ADK: variants seen among roughly 807,000 people sequenced by gnomAD.
ADK encodes N6,N6-dimethyladenosine kinase.
A neutral mutation model predicts 44.7 loss-of-function variants in ADK; 24 were observed. The ratio of observed to expected loss-of-function variants is 0.54; its 90% CI spans 0.39 to 0.76. The LOEUF is 0.76. Ranked by LOEUF, ADK falls within the 30% of genes least tolerant of loss-of-function variation. The pLI, the probability that ADK is intolerant of heterozygous loss-of-function variation, is 0.00. For missense variants in ADK, 321 were observed against 425.1 expected, an observed-to-expected ratio of 0.76 and a Z score of 2.15; for synonymous variants, 128 against 142.6, an observed-to-expected ratio of 0.90 and a Z score of 0.73.
chr10:74,694,399 A>G (rs1210479673), intron 10 of ADK, among the ~76,000 whole-genome samples: 1 of 151,950 alleles, frequency 6.6e-6, no homozygotes, highest in African/African-American at 2.4e-5. Context: ...CCAAAAAAAA[A>G]AGAAAAAGAA....
At chr10:74,547,416 T>A (rs1849860217) in intron 7 of ADK, among the ~76,000 whole-genome samples, 1 of 146,534 alleles carries the variant, frequency 6.8e-6, no homozygotes, top group South Asian at 2.1e-4. Flanking sequence ...AGATTTTACA[T>A]CATTTTTCCC....
chr10:74,266,102 A>G (rs902320417), intron 3 of ADK, among the ~76,000 whole-genome samples: 2 of 152,224 alleles, frequency 1.3e-5, no homozygotes, highest in South Asian at 4.1e-4. Context: ...TGGAAGGATT[A>G]CTAAAGAAAA....
At chr10:74,235,883 A>G (rs929725728) in intron 3 of ADK, among the ~76,000 whole-genome samples, 1 of 152,160 alleles carries the variant, frequency 6.6e-6, no homozygotes, top group African/African-American at 2.4e-5. Flanking sequence ...TATCTCTTAG[A>G]GGGTTGTTAT....
chr10:74,248,269 G>T (rs1260231934), intron 3 of ADK, among the ~76,000 whole-genome samples: 1 of 152,082 alleles, frequency 6.6e-6, no homozygotes, highest in Non-Finnish European at 1.5e-5. Context: ...TTTCTTATGA[G>T]GCATTAAAGC....
intron 6 of ADK, among the ~76,000 whole-genome samples, chr10:74,504,655 A>G (rs1413530605): frequency 3.9e-5 from 6 of 152,282 alleles, no homozygotes; most frequent in Non-Finnish European, 2.9e-5. Flanking sequence ...TTTAATCCCC[A>G]TAATCTCCAC....
intron 1 of ADK, among the ~76,000 whole-genome samples, chr10:74,168,140 G>A (rs1161080209): frequency 6.6e-6 from 1 of 152,180 alleles, no homozygotes; most frequent in Non-Finnish European, 1.5e-5. Context: ...TAGAATGTAA[G>A]TTCTAAAAGG....
chr10:74,621,892 A>G (rs1853007160), intron 9 of ADK, among the ~76,000 whole-genome samples: 1 of 152,158 alleles, frequency 6.6e-6, no homozygotes, highest in Non-Finnish European at 1.5e-5. Flanking sequence ...CTTCTATACC[A>G]TGGCCCTCCT....
chr10:74,542,806 CT>C (rs1325728571), intron 7 of ADK, among the ~76,000 whole-genome samples: 1 of 152,014 alleles, frequency 6.6e-6, no homozygotes, highest in Non-Finnish European at 1.5e-5. Flanking sequence ...TTGAACTTAG[CT>C]TTTTTTCAAT....
At chr10:74,473,562 A>G (rs1846691680) in intron 6 of ADK, among the ~76,000 whole-genome samples, 1 of 152,144 alleles carries the variant, frequency 6.6e-6, no homozygotes, top group African/African-American at 2.4e-5. Context: ...GAGGTCAGAT[A>G]GTTTGTAGGA....
Position 74,238,798 on chromosome 10 carries a change from G to A in ADK, c.194+14207G>A, listed in dbSNP as rs1484752273. ...AAATTACTGTCTCTAAACCAAAGAA[G>A]ATAGAAAAATACATTCAGGAGAATA... On this transcript the variant is annotated intron_variant, in intron 3 of 10. Coordinates refer to ENST00000539909, the MANE Select transcript of ADK (RefSeq NM_006721.4). 2.1e-5 allele frequency among the ~76,000 whole-genome samples: 3 copies of A among 142,656 alleles called. No individual in the cohort carries two copies. In the Admixed American group the frequency reaches 2.1e-4, roughly 10 times the overall value. The allele number at this position is 142,656 out of a possible 152,430, so 93.6% of individuals were successfully genotyped here.
intron 9 of ADK, among the ~76,000 whole-genome samples, chr10:74,618,383 C>T (rs1291425612): frequency 6.6e-6 from 1 of 152,092 alleles, no homozygotes; most frequent in African/African-American, 2.4e-5. Flanking sequence ...CTCCACCTTC[C>T]AGTTTCAAGT....
At chr10:74,693,163 AAT>A (rs1363816419) in intron 10 of ADK, among the ~76,000 whole-genome samples, 9 of 152,224 alleles carry the variant, frequency 5.9e-5, no homozygotes, top group African/African-American at 2.2e-4. Context: ...ATTTAATGAT[AAT>A]ATGTCAATAA....
intron 6 of ADK, among the ~76,000 whole-genome samples, chr10:74,487,015 G>A (rs1847291402): frequency 6.6e-6 from 1 of 152,076 alleles, no homozygotes; most frequent in African/African-American, 2.4e-5. Flanking sequence ...CTTATTCAAA[G>A]TGGCTTTCTA....
chr10:74,431,256 C>T (rs937348817), intron 6 of ADK, among the ~76,000 whole-genome samples: 1 of 152,106 alleles, frequency 6.6e-6, no homozygotes, highest in African/African-American at 2.4e-5. Flanking sequence ...TTCCATTTAC[C>T]AGGTTCCAAG....
chr10:74,161,498 C>T (rs1317037444), intron 1 of ADK, among the ~76,000 whole-genome samples: 13 of 151,982 alleles, frequency 8.6e-5, no homozygotes, highest in African/African-American at 2.4e-4. Context: ...CATGAGTCAC[C>T]GCGCCTGGCC....
In ADK at chr10:74,239,894, C is replaced by T. The variant is rs550765934; in HGVS notation, c.194+15303C>T. Among the ~76,000 whole-genome samples the T allele has an allele frequency of 1.6e-3, 238 of 152,038 alleles. 1 individual carries two copies. The highest frequency in any genetic ancestry group is 0.01 in the Middle Eastern group (3 of 294). ...TTATCTTTGAACCAGTTTGTAATAA[C>T]CAAACCACAAAAATTCAATTTGCTT... is the stretch of plus-strand genomic sequence containing the variant. On this transcript the variant is annotated intron_variant, in intron 3 of 10. Coordinates refer to ENST00000539909, the MANE Select transcript of ADK (RefSeq NM_006721.4).
intron 10 of ADK, among the ~76,000 whole-genome samples, chr10:74,693,250 G>C (rs947277667): frequency 6.6e-6 from 1 of 152,168 alleles, no homozygotes; most frequent in African/African-American, 2.4e-5. Context: ...GGGGAGTAAG[G>C]GGATGAGGGA....
chr10:74,193,432 G>A (rs1444828623), intron 1 of ADK, among the ~76,000 whole-genome samples: 1 of 151,020 alleles, frequency 6.6e-6, no homozygotes, highest in East Asian at 1.9e-4. Flanking sequence ...TGTGATTAGT[G>A]TTTTCATGGT....
chr10:74,705,032 G>T (rs1173747205), intron 10 of ADK, among the ~76,000 whole-genome samples: 1 of 152,120 alleles, frequency 6.6e-6, no homozygotes, highest in Non-Finnish European at 1.5e-5. Context: ...TTATTCTTTG[G>T]TTGGGAATAC....
Sources: allele counts gnomAD v4.1 joint callset (sites outside exome capture counted in the v4.1 genomes callset), GRCh38; gene constraint gnomAD v4.1.1; transcripts MANE v1.5; gene names NCBI Gene and HGNC (gene_info 2026-07-23, HGNC 2026-07-21).